MAP4K3: variants seen among roughly 807,000 people sequenced by gnomAD.
MAP4K3 encodes the protein mitogen-activated protein kinase kinase kinase kinase 3.
A neutral mutation model predicts 143.5 loss-of-function variants in MAP4K3; 94 were observed. That is an observed-to-expected ratio of 0.65 (90% CI 0.55 to 0.78). The LOEUF is 0.78. Ranked by LOEUF, MAP4K3 falls within the 30% of genes least tolerant of loss-of-function variation. The pLI, the probability that MAP4K3 is intolerant of heterozygous loss-of-function variation, is 0.00. For synonymous variants in MAP4K3, 416 were observed against 347.2 expected, an observed-to-expected ratio of 1.20 and a Z score of -2.20; for missense variants, 1,077 against 1,068.1, an observed-to-expected ratio of 1.01 and a Z score of -0.12.
intron 26 of MAP4K3, among the ~76,000 whole-genome samples, chr2:39,269,403 AT>A (rs1680917632): frequency 6.6e-6 from 1 of 150,926 alleles, no homozygotes; most frequent in African/African-American, 2.4e-5. Flanking sequence ...CATCTGTGTC[AT>A]TCAGTCCCTC....
At chr2:39,259,266 G>A (rs1157325894) in intron 29 of MAP4K3, among the ~76,000 whole-genome samples, 2 of 152,132 alleles carry the variant, frequency 1.3e-5, no homozygotes, top group Admixed American at 6.5e-5. Context: ...AGCAACACTT[G>A]GGAATTCACG....
intron 32 of MAP4K3, among the ~76,000 whole-genome samples, chr2:39,252,115 T>G (rs891707789): frequency 6.6e-6 from 1 of 152,238 alleles, no homozygotes; most frequent in African/African-American, 2.4e-5. Context: ...ATGATTTCCT[T>G]GTTAAATCAT....
Position 39,331,978 on chromosome 2 carries a change from C to T in MAP4K3, c.469G>A (p.Val157Ile), listed in dbSNP as rs200108763. 10 of 1,535,808 alleles carry T rather than the reference C, an allele frequency of 6.5e-6. No homozygotes were observed. Among genetic ancestry groups the T allele is most frequent in the Admixed American group, 3.4e-5 (2 of 58,130 alleles). ...NGHVKLADFG[V>I]SAQITATIAK... ...ATTGTAGCTGTTATCTGTGCAGATA[C>T]TCCAAAATCAGCTATTAAAAAAAAT... The change falls in exon 8 of 34, where the codon GTA becomes ATA. Residue 157 changes from valine to isoleucine, a missense_variant. Val to Ile is a conservative substitution (Grantham distance 29). Around this residue, in one of 2 missense-constraint regions of MAP4K3, gnomAD observed 213 missense variants for 266.8 expected, o/e 0.80. Transcript: ENST00000263881.
At position 39,325,883 on chromosome 2, in the gene MAP4K3, A is replaced by G. The variant is rs547485647; in HGVS notation, c.725+16T>C. 1 of 1,564,496 alleles carries G rather than the reference A, an allele frequency of 6.4e-7. No homozygotes were observed. Among genetic ancestry groups the G allele is most frequent in the Non-Finnish European group, 8.7e-7 (1 of 1,144,630 alleles). On this transcript the variant is annotated intron_variant, in intron 10 of 33. Transcript: ENST00000263881. Reference sequence around the variant, plus strand: ...GCTCATCTCACCATAAAAGTAAATAACATAAAAATACTTACCATTTCATTT... The same window carrying G: ...GCTCATCTCACCATAAAAGTAAATAGCATAAAAATACTTACCATTTCATTT...
chr2:39,390,348 A>G (rs551001692), intron 1 of MAP4K3, among the ~76,000 whole-genome samples: 1 of 152,330 alleles, frequency 6.6e-6, no homozygotes, highest in South Asian at 2.1e-4. Flanking sequence ...ACAACTCAGC[A>G]TGGAAATTAA....
At chr2:39,402,642 G>C (rs944685965) in intron 1 of MAP4K3, among the ~76,000 whole-genome samples, 3 of 151,954 alleles carry the variant, frequency 2.0e-5, no homozygotes, top group Non-Finnish European at 4.4e-5. Context: ...AAGAAAATAA[G>C]ATCAGAGTGT....
intron 24 of MAP4K3, 78 bp downstream of exon 24, chr2:39,278,329 T>C: frequency 1.3e-6 from 1 of 784,812 alleles, no homozygotes; most frequent in Non-Finnish European, 2.0e-6. Flanking sequence ...GTCATGAAAC[T>C]GAACCTTATT....
At chr2:39,284,162 G>A (rs2148469468) in intron 21 of MAP4K3, among the ~76,000 whole-genome samples, 1 of 151,820 alleles carries the variant, frequency 6.6e-6, no homozygotes, top group East Asian at 1.9e-4. Flanking sequence ...TTTTTTTGTT[G>A]TTGTTTTTTT....
chr2:39,413,939 A>G (rs1667299535), intron 1 of MAP4K3, among the ~76,000 whole-genome samples: 1 of 152,200 alleles, frequency 6.6e-6, no homozygotes, highest in African/African-American at 2.4e-5. Context: ...ATCAATATCT[A>G]CATCTTTAAG....
chr2:39,355,286 G>T (rs537473014), intron 3 of MAP4K3, among the ~76,000 whole-genome samples: 3 of 148,306 alleles, frequency 2.0e-5, no homozygotes, highest in African/African-American at 7.5e-5. Context: ...ACTTGAACCC[G>T]GGAGGTGGAA....
At chr2:39,268,634 A>ATTTTTTTTTTTTTTTTTTTTTTTTTTT (rs70954799) in intron 26 of MAP4K3, among the ~76,000 whole-genome samples, 1 of 73,772 alleles carries the variant, frequency 1.4e-5, no homozygotes, top group Non-Finnish European at 2.4e-5. Flanking sequence ...GATTTTTTCT[A>ATTTTTTTTTTTTTTTTTTTTTTTTTTT]TTTTTTTTTT....
rs576639345 is a variant in MAP4K3, at chr2:39,279,221, T to C, written c.1715-735A>G. ...CTAGACTAACTAGGCTAAACTGAAG[T>C]ACGCTGAGAACAGTATAGAATGCTA... On this transcript the variant is annotated intron_variant, in intron 23 of 33. Coordinates refer to ENST00000263881, the MANE Select transcript of MAP4K3 (RefSeq NM_003618.4). Among the ~76,000 whole-genome samples the C allele has an allele frequency of 9.6e-4, 146 of 152,284 alleles. 1 individual carries two copies. Among genetic ancestry groups the C allele is most frequent in the African/African-American group, 3.2e-3 (132 of 41,562 alleles).
At chr2:39,372,682 T>C (rs913480250) in intron 2 of MAP4K3, among the ~76,000 whole-genome samples, 1 of 152,098 alleles carries the variant, frequency 6.6e-6, no homozygotes, top group African/African-American at 2.4e-5. Flanking sequence ...GAACATACAC[T>C]GGGGAAAGGA....
At chr2:39,390,308 G>T (rs560417221) in intron 1 of MAP4K3, among the ~76,000 whole-genome samples, 13 of 152,102 alleles carry the variant, frequency 8.5e-5, no homozygotes, top group African/African-American at 2.9e-4. Flanking sequence ...TGAGAAATAC[G>T]GTATACACCT....
intron 16 of MAP4K3, among the ~76,000 whole-genome samples, chr2:39,294,537 A>C (rs536027011): frequency 8.5e-5 from 13 of 152,364 alleles, no homozygotes; most frequent in Admixed American, 6.5e-4. Flanking sequence ...AGCAAAATGC[A>C]GACAGGCTTT....
At chr2:39,305,806 G>A (rs1171649883) in intron 15 of MAP4K3, among the ~76,000 whole-genome samples, 2 of 151,890 alleles carry the variant, frequency 1.3e-5, no homozygotes, top group Non-Finnish European at 2.9e-5. Flanking sequence ...AGTTCCACAT[G>A]TGGCACAGAA....
intron 28 of MAP4K3, among the ~76,000 whole-genome samples, chr2:39,262,623 T>C (rs1414306144): frequency 6.6e-6 from 1 of 152,144 alleles, no homozygotes; most frequent in East Asian, 1.9e-4. Flanking sequence ...ACTAAGCAAT[T>C]TGTATAAGTC....
intron 26 of MAP4K3, 116 bp downstream of exon 26, chr2:39,272,167 A>G: frequency 2.7e-6 from 2 of 753,884 alleles, no homozygotes; most frequent in East Asian, 2.6e-5. Context: ...ATTACTTATT[A>G]TTTTTTCATC....
rs183011656 is a variant in MAP4K3 at position 39,266,082 on chromosome 2, A to T, written c.2033-776T>A. On this transcript the variant is annotated intron_variant, in intron 27 of 33. Transcript: ENST00000263881. The stretch of plus-strand genomic sequence containing the variant: ...GAAAACAGAGAAGTCTATATAGGAA[A>T]TTCTTTCCTATAATTAACTTTTCCT... Among the ~76,000 whole-genome samples the T allele has an allele frequency of 1.3e-3, 202 of 152,240 alleles. 1 individual carries two copies. Among genetic ancestry groups the T allele is most frequent in the African/African-American group, 4.6e-3 (192 of 41,538 alleles).
Sources: allele counts gnomAD v4.1 joint callset (sites outside exome capture counted in the v4.1 genomes callset), GRCh38; gene constraint gnomAD v4.1.1; regional missense constraint gnomAD v4.1.1; transcripts MANE v1.5; gene names NCBI Gene and HGNC (gene_info 2026-07-23, HGNC 2026-07-21).